FAM81A: variants seen among roughly 807,000 people sequenced by gnomAD.
FAM81A encodes the protein family with sequence similarity 81 member A.
FAM81A carries 19 observed loss-of-function variants against 46.7 expected under a neutral mutation model. The ratio of observed to expected loss-of-function variants is 0.41; its 90% confidence interval spans 0.28 to 0.60. The LOEUF (loss-of-function observed/expected upper bound fraction) is 0.60. Among genes scored for constraint, FAM81A ranks in the 20% least tolerant of loss-of-function variants. FAM81A has a pLI of 0.34. For synonymous variants in FAM81A, 183 were observed against 152.9 expected (o/e 1.20, Z -1.45); for missense variants, 377 against 453.5 (o/e 0.83, Z 1.53).
chr15:59,460,071 G>T lies in FAM81A; in HGVS notation c.159G>T (p.Arg53=). 4 of 1,613,946 alleles carry T rather than the reference G, an allele frequency of 2.5e-6. No individual in the cohort carries two copies. Among genetic ancestry groups the T allele is most frequent in the Non-Finnish European group, 3.4e-6 (4 of 1,179,894 alleles). ...TTAALVEHAF[R]IKDDIVNSLQ... ...CCGCCCTCGTAGAGCACGCCTTTCG[G>T]ATTAAAGATGACATTGTCAACAGTT... The change falls in exon 3 of 9, where the codon CGG becomes CGT. Residue 53 remains arginine, a synonymous_variant. Coordinates refer to ENST00000288228, the MANE Select transcript of FAM81A (RefSeq NM_152450.3). The surrounding 1 kb of genome is among the most constrained non-coding windows in gnomAD (Gnocchi z 4.4).
intron 2 of FAM81A, chr15:59,408,951 C>T (rs1315919523): frequency 2.0e-5 from 3 of 152,220 alleles, no homozygotes; most frequent in Admixed American, 2.0e-4. Flanking sequence ...TGTTCACAGT[C>T]AGTTACAGAT....
At chr15:59,514,079 T>TGGG (rs368329023) in intron 6 of FAM81A, among the ~76,000 whole-genome samples, 19 of 132,412 alleles carry the variant, frequency 1.4e-4, no homozygotes, top group African/African-American at 5.3e-4. Context: ...CTTGGGGGCA[T>TGGG]GGGGGGGGCA....
At chr15:59,400,566 G>T (rs1042161194) in intron 1 of FAM81A, among the ~76,000 whole-genome samples, 2 of 152,044 alleles carry the variant, frequency 1.3e-5, no homozygotes, top group Non-Finnish European at 2.9e-5. Flanking sequence ...GCTAACTGCA[G>T]TCTACACAGC....
chr15:59,457,973 G>T (rs536365201), intron 1 of FAM81A, among the ~76,000 whole-genome samples: 23 of 152,110 alleles, frequency 1.5e-4, no homozygotes, highest in Non-Finnish European at 2.8e-4. Flanking sequence ...ATGAATGATT[G>T]TATCTTATTA....
chr15:59,469,073 G>C (rs1208928772), intron 3 of FAM81A, among the ~76,000 whole-genome samples: 2 of 152,208 alleles, frequency 1.3e-5, no homozygotes, highest in Non-Finnish European at 2.9e-5. Context: ...TGGTCTGAGA[G>C]ACAGTTTGTT....
At chr15:59,433,412 G>A (rs907176138), upstream of FAM81A, among the ~76,000 whole-genome samples, 6 of 152,168 alleles carry the variant, frequency 3.9e-5, no homozygotes, top group African/African-American at 7.2e-5. Context: ...AAGTTAAGAC[G>A]TAAACATTAT....
At chr15:59,506,219 C>G (rs2082147521) in intron 4 of FAM81A, among the ~76,000 whole-genome samples, 1 of 151,984 alleles carries the variant, frequency 6.6e-6, no homozygotes, top group South Asian at 2.1e-4. Context: ...TGCTATGTTG[C>G]CCAGGCTGGC....
chr15:59,429,846 T>C (rs745466818), intron 2 of FAM81A, among the ~76,000 whole-genome samples: 1 of 152,162 alleles, frequency 6.6e-6, no homozygotes, highest in Non-Finnish European at 1.5e-5. Context: ...TAATTTCTGA[T>C]GTAATAGATG....
In FAM81A at chr15:59,516,752, A is replaced by G; in HGVS notation, c.894A>G (p.Gln298=). ...CTTTTGATGGTCAGAGAACAAGGCA[A>G]GAAGAGGAGAAGATGCACGGGCGAA... is the stretch of plus-strand genomic sequence containing the variant. The part of the protein sequence containing the change: ...KKTFDGQRTR[Q]EEEKMHGRIT... Residue 298 remains glutamine (Q), a synonymous_variant, in exon 8 of 9, where the codon CAA becomes CAG. Coordinates refer to ENST00000288228, the MANE Select transcript of FAM81A (RefSeq NM_152450.3). 6.2e-7 allele frequency: 1 copy of G among 1,613,712 alleles called. No homozygotes were observed. The highest frequency in any genetic ancestry group is 1.1e-5 in the South Asian group (1 of 91,038).
At chr15:59,420,327 A>G (rs1048050191) in intron 2 of FAM81A, among the ~76,000 whole-genome samples, 47 of 152,338 alleles carry the variant, frequency 3.1e-4, no homozygotes, top group South Asian at 1.9e-3. Context: ...AACCATATGT[A>G]GGCGGGGACA....
At chr15:59,407,036 C>G (rs1185648452) in intron 2 of FAM81A, 2 of 165,660 alleles carry the variant, frequency 1.2e-5, no homozygotes, top group African/African-American at 4.7e-5. Flanking sequence ...ACTTGGGAGC[C>G]AGGACATTGC....
Position 59,492,502 on chromosome 15 carries a change from G to T in FAM81A, c.413+113G>T, listed in dbSNP as rs1020414352. On this transcript the variant is annotated intron_variant, in intron 4 of 8. Transcript: ENST00000288228. Reference sequence around the variant, plus strand: ...AAAGCAAATGGCTTGCATTCCTTTAGTACATTCCCTCCCTGCTTTGGCCAT... The same window carrying T: ...AAAGCAAATGGCTTGCATTCCTTTATTACATTCCCTCCCTGCTTTGGCCAT... 21 of 790,212 alleles carry T rather than the reference G, an allele frequency of 2.7e-5. No homozygotes were observed. In the East Asian group the frequency reaches 5.9e-4, roughly 22 times the overall value. 49.0% of individuals were successfully genotyped at this position (790,212 alleles called of 1,614,324 possible). A position where few individuals can be genotyped will look rare whatever the true frequency, so the allele number is the denominator to read the frequency against.
chr15:59,423,710 A>G (rs2141555692), intron 2 of FAM81A, among the ~76,000 whole-genome samples: 1 of 152,382 alleles, frequency 6.6e-6, no homozygotes, highest in Non-Finnish European at 1.5e-5. Flanking sequence ...AGAAATTTTT[A>G]TAGAACCATT....
At chr15:59,471,603 A>G (rs2081691375) in intron 3 of FAM81A, among the ~76,000 whole-genome samples, 1 of 151,602 alleles carries the variant, frequency 6.6e-6, no homozygotes, top group South Asian at 2.1e-4. Context: ...CTGGGACTAC[A>G]GACACATGCT....
chr15:59,473,646 A>G (rs1347829000), intron 3 of FAM81A, among the ~76,000 whole-genome samples: 1 of 152,130 alleles, frequency 6.6e-6, no homozygotes, highest in East Asian at 1.9e-4. Flanking sequence ...AAGACTAGAG[A>G]TGGGAGTCAG....
intron 2 of FAM81A, among the ~76,000 whole-genome samples, chr15:59,432,461 G>A (rs1249115685): frequency 6.6e-6 from 1 of 152,202 alleles, no homozygotes; most frequent in Non-Finnish European, 1.5e-5. Flanking sequence ...TTCTCACTGT[G>A]CCATACACTT....
chr15:59,437,640 G>C (rs1177738529), upstream of FAM81A, among the ~76,000 whole-genome samples: 2 of 152,136 alleles, frequency 1.3e-5, no homozygotes, highest in East Asian at 1.9e-4. Context: ...CGGAGGGTTC[G>C]TTCACCTGCA....
rs142332382 is a variant in FAM81A at position 59,476,379 on chromosome 15, C to T, written c.295-15892C>T. Among the ~76,000 whole-genome samples the T allele has an allele frequency of 7.2e-4, 109 of 152,168 alleles. 2 individuals carry two copies. The highest frequency in any genetic ancestry group is 2.2e-3 in the African/African-American group (92 of 41,532). ...CTGGGATTACAGGCATGAGCCACCA[C>T]GCTTGGTGAACATATGAATTTTTGG... is the stretch of plus-strand genomic sequence containing the variant. On this transcript the variant is annotated intron_variant, in intron 3 of 8. Transcript: ENST00000288228.
chr15:59,428,050 A>G (rs2081202750), intron 2 of FAM81A, among the ~76,000 whole-genome samples: 2 of 152,194 alleles, frequency 1.3e-5, no homozygotes, highest in Admixed American at 1.3e-4. Flanking sequence ...CCTCTTCTGC[A>G]CATCTTTGCC....
Sources: gnomAD v4.1 joint callset for allele counts (sites outside exome capture counted in the v4.1 genomes callset) on GRCh38, gnomAD v4.1.1 for gene constraint, Gnocchi (gnomAD v3.1) non-coding constraint, MANE v1.5 for transcripts, NCBI Gene and HGNC (gene_info 2026-07-23, HGNC 2026-07-21) for gene names.